Variants in RAB10 observed in about 807,000 individuals in gnomAD.
RAB10 encodes the protein RAB10, member RAS oncogene family, also known as ras-related protein Rab-10.
Under a neutral mutation model 25.7 loss-of-function variants are expected in RAB10, and 5 were observed. That is an observed-to-expected ratio of 0.19 (90% CI 0.10 to 0.41). RAB10 has a LOEUF of 0.41. Ranked by LOEUF, RAB10 falls within the 10% of genes least tolerant of loss-of-function variation. The pLI, the probability that RAB10 is intolerant of heterozygous loss-of-function variation, is 1.00. For missense variants in RAB10, 103 were observed against 245.8 expected (o/e 0.42, Z 3.89); for synonymous variants, 89 against 86.4 (o/e 1.03, Z -0.16).
chr2:26,088,456 A>G (rs1289178152), intron 1 of RAB10, among the ~76,000 whole-genome samples: 1 of 152,230 alleles, frequency 6.6e-6, no homozygotes, highest in Non-Finnish European at 1.5e-5. Flanking sequence ...CTAATTTAGC[A>G]AATGGTAATG....
chr2:26,127,029 A>G, intron 3 of RAB10, 115 bp from the exon 4 acceptor site: 1 of 763,532 alleles, frequency 1.3e-6, no homozygotes, highest in Admixed American at 3.4e-5. Flanking sequence ...TGACTGCTTT[A>G]AAACTTCAAA....
Position 26,034,225 on chromosome 2 carries a change from G to A in RAB10, c.-384G>A. The A allele has an allele frequency of 2.3e-6, 1 of 436,866 alleles. No homozygotes were observed. Among genetic ancestry groups the A allele is most frequent in the Non-Finnish European group, 4.1e-6 (1 of 246,722 alleles). 27.1% of individuals were successfully genotyped at this position (436,866 alleles called of 1,614,324 possible). A position where few individuals can be genotyped will look rare whatever the true frequency, so the allele number is the denominator to read the frequency against. ...CGCTGCCCTCGCCGCGTGCTAGCAG[G>A]GAGTTTCCGCTCGGGAGAGAGACTG... is the stretch of plus-strand genomic sequence containing the variant. On this transcript the variant is annotated 5_prime_UTR_variant, in exon 1 of 6. Coordinates refer to ENST00000264710, the MANE Select transcript of RAB10 (RefSeq NM_016131.5).
chr2:26,113,025 C>G (rs1327268654), intron 3 of RAB10, among the ~76,000 whole-genome samples: 1 of 151,964 alleles, frequency 6.6e-6, no homozygotes, highest in Non-Finnish European at 1.5e-5. Flanking sequence ...GAGGAGGTTG[C>G]AGTGAGCCAA....
chr2:26,041,018 C>G (rs756620012), intron 1 of RAB10, among the ~76,000 whole-genome samples: 2 of 151,452 alleles, frequency 1.3e-5, no homozygotes, highest in Non-Finnish European at 2.9e-5. Context: ...ATAAGTTGCA[C>G]AAAGGCAGAA....
chr2:26,096,923 A>T (rs1386588630), intron 1 of RAB10, among the ~76,000 whole-genome samples: 2 of 152,124 alleles, frequency 1.3e-5, no homozygotes, highest in Admixed American at 1.3e-4. Context: ...TTTGTTGCAG[A>T]CAGAAAACAT....
intron 1 of RAB10, among the ~76,000 whole-genome samples, chr2:26,071,414 G>A (rs759137621): frequency 2.6e-5 from 4 of 152,178 alleles, no homozygotes; most frequent in Non-Finnish European, 4.4e-5. Flanking sequence ...TTGGCCAGGC[G>A]CGGTGGCCCA....
intron 2 of RAB10, 118 bp downstream of exon 2, chr2:26,098,840 G>A (rs1291362268): frequency 2.5e-6 from 2 of 794,926 alleles, no homozygotes; most frequent in African/African-American, 3.5e-5. Context: ...AAAGCAGGCA[G>A]TCAGGTGACC....
intron 1 of RAB10, among the ~76,000 whole-genome samples, chr2:26,095,507 T>C (rs1667193155): frequency 1.3e-5 from 2 of 151,824 alleles, no homozygotes; most frequent in African/African-American, 4.8e-5. Flanking sequence ...GTCAGGAGGC[T>C]GAGGCAGGAG....
chr2:26,077,949 A>G (rs1004553445), intron 1 of RAB10, among the ~76,000 whole-genome samples: 2 of 152,176 alleles, frequency 1.3e-5, no homozygotes, highest in Non-Finnish European at 2.9e-5. Flanking sequence ...ACTGCACTCC[A>G]GCCTGGGCGA....
intron 1 of RAB10, among the ~76,000 whole-genome samples, chr2:26,067,343 G>A (rs1242813019): frequency 6.6e-6 from 1 of 152,216 alleles, no homozygotes; most frequent in Non-Finnish European, 1.5e-5. Context: ...TATACACTGT[G>A]TAACAATGAA....
At chr2:26,049,992 T>C (rs1327791028) in intron 1 of RAB10, among the ~76,000 whole-genome samples, 1 of 152,212 alleles carries the variant, frequency 6.6e-6, no homozygotes, top group African/African-American at 2.4e-5. Context: ...ACTTTCTCTG[T>C]CCTGCTTCAA....
chr2:26,044,089 A>G (rs1665945410), intron 1 of RAB10, among the ~76,000 whole-genome samples: 1 of 152,234 alleles, frequency 6.6e-6, no homozygotes. Context: ...GGTGTGATAC[A>G]CTTAACACCT....
At chr2:26,110,333 G>A (rs1412128866) in intron 3 of RAB10, among the ~76,000 whole-genome samples, 4 of 83,310 alleles carry the variant, frequency 4.8e-5, no homozygotes, top group African/African-American at 9.2e-5. Context: ...GCAAGACTCC[G>A]TCTCCAAAAA....
chr2:26,111,512 G>T (rs1455329698), intron 3 of RAB10, among the ~76,000 whole-genome samples: 1 of 151,684 alleles, frequency 6.6e-6, no homozygotes, highest in Non-Finnish European at 1.5e-5. Flanking sequence ...GCTGAGGCAG[G>T]AGAATCGCTT....
intron 1 of RAB10, among the ~76,000 whole-genome samples, chr2:26,082,284 G>A (rs545990503): frequency 6.6e-5 from 10 of 152,128 alleles, no homozygotes; most frequent in Middle Eastern, 6.8e-3. Context: ...TTCTAGTTAC[G>A]ATGTTTATTA....
At chr2:26,062,679 AAAAT>A (rs10659551) in intron 1 of RAB10, among the ~76,000 whole-genome samples, 14 of 148,498 alleles carry the variant, frequency 9.4e-5, no homozygotes, top group African/African-American at 2.5e-4. Context: ...CTCTGTCTCA[AAAAT>A]AAATAAATAA....
At chr2:26,128,085 C>G in intron 5 of RAB10, 134 bp downstream of exon 5, 2 of 752,062 alleles carry the variant, frequency 2.7e-6, no homozygotes, top group Non-Finnish European at 4.4e-6. Context: ...CAGTCCCCAG[C>G]CTTTTTGGCA....
At chr2:26,034,944 A>C (rs994661759) in intron 1 of RAB10, among the ~76,000 whole-genome samples, 2 of 152,040 alleles carry the variant, frequency 1.3e-5, no homozygotes, top group African/African-American at 4.8e-5. Context: ...CGAGTCTCCC[A>C]CTATGCTCAG....
intron 1 of RAB10, among the ~76,000 whole-genome samples, chr2:26,093,582 G>C (rs1038875634): frequency 3.9e-5 from 6 of 152,080 alleles, no homozygotes; most frequent in African/African-American, 1.4e-4. Context: ...TTTTGTGTTT[G>C]TTCCACAGGA....
Sources: allele counts gnomAD v4.1 joint callset (sites outside exome capture counted in the v4.1 genomes callset), GRCh38; gene constraint gnomAD v4.1.1; transcripts MANE v1.5; gene names NCBI Gene and HGNC (gene_info 2026-07-23, HGNC 2026-07-21).